Variants in MYO1E observed in about 807,000 individuals in gnomAD.
The protein encoded by MYO1E is myosin IE.
Under a neutral mutation model 151.1 loss-of-function variants are expected in MYO1E, and 68 were observed. The ratio of observed to expected loss-of-function variants is 0.45; its 90% CI spans 0.37 to 0.55. The LOEUF is 0.55. Ranked by LOEUF, MYO1E falls within the 20% of genes least tolerant of loss-of-function variation. The pLI is 0.00. For synonymous variants in MYO1E, 601 were observed against 501.7 expected (o/e 1.20, Z -2.64); for missense variants, 1,363 against 1,389.3 (o/e 0.98, Z 0.30).
intron 1 of MYO1E, among the ~76,000 whole-genome samples, chr15:59,299,604 ATCT>A (rs1596406488): frequency 6.6e-6 from 1 of 152,252 alleles, no homozygotes; most frequent in East Asian, 1.9e-4. Flanking sequence ...CAATTCTTTC[ATCT>A]TCTAAAAATC....
At chr15:59,256,058 T>C (rs2080192201) in intron 4 of MYO1E, among the ~76,000 whole-genome samples, 1 of 152,258 alleles carries the variant, frequency 6.6e-6, no homozygotes, top group South Asian at 2.1e-4. Flanking sequence ...ATGTTTATTA[T>C]ACTTACTGCA....
At position 59,306,281 on chromosome 15, in the gene MYO1E, GCTCA is replaced by G. The variant is rs79576684; in HGVS notation, c.4-33836_4-33833del. The stretch of plus-strand genomic sequence containing the variant: ...AGATTACCTGATTGTATATTTCTGT[GCTCA>G]CTAATTGTTTTATGAGTATATTTAT... On this transcript the variant is annotated intron_variant, in intron 1 of 27. Coordinates refer to ENST00000288235, the MANE Select transcript of MYO1E (RefSeq NM_004998.4). Among the ~76,000 whole-genome samples the G allele has an allele frequency of 8.4e-3, 1,282 of 152,250 alleles. 10 individuals are homozygous for G. The highest frequency in any genetic ancestry group is 0.013 in the Non-Finnish European group (880 of 68,024).
chr15:59,364,115 T>C (rs1335002279), intron 1 of MYO1E, among the ~76,000 whole-genome samples: 1 of 152,184 alleles, frequency 6.6e-6, no homozygotes, highest in East Asian at 1.9e-4. Context: ...TCCTTTGCCA[T>C]GGCAATGTCT....
At chr15:59,338,244 T>C (rs915664554) in intron 1 of MYO1E, among the ~76,000 whole-genome samples, 10 of 151,140 alleles carry the variant, frequency 6.6e-5, no homozygotes, top group African/African-American at 2.4e-4. Flanking sequence ...TTCATTAATA[T>C]AATTTTTTAT....
At position 59,197,505 on chromosome 15, in the gene MYO1E, T is replaced by C. The variant is rs1258617986; in HGVS notation, c.1699-1938A>G. Among the ~76,000 whole-genome samples, 4 of 152,242 alleles carry C rather than the reference T, an allele frequency of 2.6e-5. No individual in the cohort carries two copies. In the East Asian group the frequency reaches 7.7e-4, roughly 29 times the overall value. The stretch of plus-strand genomic sequence containing the variant: ...AGATTAGATACATGTATTATCTCAT[T>C]TACGCCTCACAACAACCTGAAGAGG... On this transcript the variant is annotated intron_variant, in intron 16 of 27. Transcript: ENST00000288235.
At chr15:59,368,076 G>A (rs1034140302) in intron 1 of MYO1E, among the ~76,000 whole-genome samples, 4 of 152,120 alleles carry the variant, frequency 2.6e-5, no homozygotes, top group South Asian at 4.1e-4. Context: ...CCGAGATCGC[G>A]CCAGTGCACT....
At chr15:59,277,812 GA>G (rs1251215908) in intron 1 of MYO1E, among the ~76,000 whole-genome samples, 1 of 152,182 alleles carries the variant, frequency 6.6e-6, no homozygotes, top group East Asian at 1.9e-4. Context: ...CTGTTTCATT[GA>G]AAGAGTAGTC....
intron 26 of MYO1E, among the ~76,000 whole-genome samples, chr15:59,143,818 C>T (rs998083549): frequency 6.6e-6 from 1 of 152,250 alleles, no homozygotes; most frequent in Non-Finnish European, 1.5e-5. Context: ...CTATGCTCCC[C>T]TGGCCTCTGC....
At chr15:59,343,696 A>G (rs1358113639) in intron 1 of MYO1E, among the ~76,000 whole-genome samples, 9 of 151,574 alleles carry the variant, frequency 5.9e-5, no homozygotes, top group African/African-American at 2.2e-4. Context: ...ATTCTTTTTT[A>G]TTCTTTTTTC....
intron 25 of MYO1E, among the ~76,000 whole-genome samples, chr15:59,156,026 C>A (rs188249324): frequency 4.3e-4 from 66 of 152,256 alleles, no homozygotes; most frequent in African/African-American, 1.5e-3. Context: ...CATGCCACCA[C>A]GCCCAGCTAA....
At chr15:59,326,851 CAG>C (rs1440654731) in intron 1 of MYO1E, among the ~76,000 whole-genome samples, 1 of 152,218 alleles carries the variant, frequency 6.6e-6, no homozygotes, top group Admixed American at 6.5e-5. Context: ...GCGACCTGTT[CAG>C]AGTCTACCTC....
chr15:59,195,521 T>A lies in MYO1E; in HGVS notation c.1745A>T (p.His582Leu). 6.2e-7 allele frequency: 1 copy of A among 1,614,148 alleles called. No individual in the cohort carries two copies. The highest frequency in any genetic ancestry group is 2.2e-5 in the East Asian group (1 of 44,892). ...GTTTGGCTTGATGCAGCGAATGTAGTGGGGCGTACATTTCATCAGGGTGCT... is the reference window on the plus strand; with the variant it reads ...GTTTGGCTTGATGCAGCGAATGTAGAGGGGCGTACATTTCATCAGGGTGCT... Reference protein sequence around the residue: ...LVSTLMKCTPHYIRCIKPNET... With the variant: ...LVSTLMKCTPLYIRCIKPNET... The change falls in exon 17 of 28, where the codon CAC becomes CTC. Residue 582 changes from histidine to leucine, a missense_variant. His to Leu is a moderately conservative substitution (Grantham distance 99). Coordinates refer to ENST00000288235, the MANE Select transcript of MYO1E (RefSeq NM_004998.4).
At chr15:59,234,396 G>T (rs768734187) in intron 5 of MYO1E, among the ~76,000 whole-genome samples, 1 of 152,130 alleles carries the variant, frequency 6.6e-6, no homozygotes, top group African/African-American at 2.4e-5. Context: ...AGAAGCTGTC[G>T]TTAAATGGTA....
At chr15:59,148,419 C>T (rs370992680) in intron 26 of MYO1E, among the ~76,000 whole-genome samples, 2 of 152,112 alleles carry the variant, frequency 1.3e-5, no homozygotes, top group Non-Finnish European at 2.9e-5. Flanking sequence ...ATTAAGCTTT[C>T]GAATATCACC....
At chr15:59,329,409 C>A (rs1326653989) in intron 1 of MYO1E, among the ~76,000 whole-genome samples, 1 of 152,172 alleles carries the variant, frequency 6.6e-6, no homozygotes, top group African/African-American at 2.4e-5. Context: ...TATGATCAAT[C>A]CAGTTCATTA....
chr15:59,218,132 C>T (rs1252685132), intron 9 of MYO1E, 45 bp from the exon 10 acceptor site: 4 of 1,601,388 alleles, frequency 2.5e-6, no homozygotes, highest in Non-Finnish European at 3.4e-6. Context: ...AGAATTGTGA[C>T]ACTTCCAAGT....
chr15:59,253,867 C>T (rs2080179100), intron 4 of MYO1E, among the ~76,000 whole-genome samples: 1 of 148,404 alleles, frequency 6.7e-6, no homozygotes, highest in Admixed American at 6.7e-5. Flanking sequence ...TAGGCAATGC[C>T]AGACTGTATA....
At chr15:59,196,100 T>C (rs1038177401) in intron 16 of MYO1E, among the ~76,000 whole-genome samples, 8 of 152,214 alleles carry the variant, frequency 5.3e-5, no homozygotes, top group African/African-American at 1.9e-4. Context: ...GGGAGATTCA[T>C]AAAAATCTGA....
At chr15:59,207,338 T>C (rs1449858049) in intron 14 of MYO1E, 2 of 1,614,082 alleles carry the variant, frequency 1.2e-6, no homozygotes, top group East Asian at 2.2e-5. Context: ...AAAGATTACT[T>C]TGTCACAGCA....
Sources: gnomAD v4.1 joint callset for allele counts (sites outside exome capture counted in the v4.1 genomes callset) on GRCh38, gnomAD v4.1.1 for gene constraint, MANE v1.5 for transcripts, NCBI Gene and HGNC (gene_info 2026-07-23, HGNC 2026-07-21) for gene names.